SASH1: variants seen among roughly 807,000 people sequenced by gnomAD.
SASH1 encodes the protein SAM and SH3 domain containing 1.
SASH1 carries 44 observed loss-of-function variants against 125.2 expected under a neutral mutation model. The ratio of observed to expected loss-of-function variants is 0.35; its 90% CI spans 0.28 to 0.45. SASH1 has a LOEUF of 0.45. Among genes scored for constraint, SASH1 ranks in the 20% least tolerant of loss-of-function variants. The pLI, the probability that SASH1 is intolerant of heterozygous loss-of-function variation, is 1.00. For missense variants in SASH1, 1,426 were observed against 1,614.5 expected, an observed-to-expected ratio of 0.88 and a Z score of 2.00; for synonymous variants, 639 against 649.1, an observed-to-expected ratio of 0.98 and a Z score of 0.24.
At chr6:148,250,572 TAAAAA>T in the SASH1 span, among the ~76,000 whole-genome samples, 1 of 141,366 alleles carries the variant, frequency 7.1e-6, no homozygotes, top group Non-Finnish European at 1.5e-5. Flanking sequence ...GCCTTAGTCT[TAAAAA>T]AAAAAAAAAA....
At chr6:148,421,213 GAAAA>G (rs72197515) in intron 2 of SASH1, among the ~76,000 whole-genome samples, 8 of 130,506 alleles carry the variant, frequency 6.1e-5, no homozygotes, top group African/African-American at 1.3e-4. Flanking sequence ...AAGAAAGAAA[GAAAA>G]AGAAAGAAAG....
intron 2 of SASH1, among the ~76,000 whole-genome samples, chr6:148,406,755 G>A (rs1784390995): frequency 6.6e-6 from 1 of 151,984 alleles, no homozygotes; most frequent in South Asian, 2.1e-4. Context: ...TCCAAGGGAG[G>A]AGCAGAGAGA....
At chr6:148,268,597 A>C (rs1385195470), upstream of SASH1, among the ~76,000 whole-genome samples, 1 of 152,144 alleles carries the variant, frequency 6.6e-6, no homozygotes, top group African/African-American at 2.4e-5. Context: ...GAACATTCTC[A>C]TGTTGTCATT....
chr6:148,281,048 T>C (rs1278200782), intron 1 of SASH1, among the ~76,000 whole-genome samples: 1 of 150,928 alleles, frequency 6.6e-6, no homozygotes, highest in African/African-American at 2.4e-5. Flanking sequence ...GTTCAAGCAA[T>C]TCTCCTGCCT....
At chr6:148,478,047 A>G (rs939167192) in intron 7 of SASH1, among the ~76,000 whole-genome samples, 3 of 152,152 alleles carry the variant, frequency 2.0e-5, no homozygotes, top group Non-Finnish European at 4.4e-5. Flanking sequence ...TGTTAAGGAT[A>G]TGGAGAAAGG....
intron 8 of SASH1, among the ~76,000 whole-genome samples, chr6:148,496,768 A>C (rs1404072160): frequency 6.6e-6 from 1 of 152,062 alleles, no homozygotes; most frequent in Non-Finnish European, 1.5e-5. Context: ...AGCTACTCAG[A>C]AGGCTGAGTC....
intron 7 of SASH1, among the ~76,000 whole-genome samples, chr6:148,476,620 C>T (rs1167956303): frequency 3.3e-5 from 5 of 152,030 alleles, no homozygotes. Flanking sequence ...GCGGAGGTCG[C>T]AGTAAGCCAA....
the SASH1 span, among the ~76,000 whole-genome samples, chr6:148,211,157 T>C: frequency 6.6e-6 from 1 of 152,216 alleles, no homozygotes; most frequent in Non-Finnish European, 1.5e-5. Flanking sequence ...CAGTGATTCA[T>C]TCAACAGTTT....
intron 8 of SASH1, among the ~76,000 whole-genome samples, chr6:148,503,643 C>G (rs1446113590): frequency 6.6e-6 from 1 of 151,968 alleles, no homozygotes; most frequent in Admixed American, 6.6e-5. Flanking sequence ...TCCCCACTTA[C>G]AGGCAAATGT....
chr6:148,472,517 C>T (rs2115130781), intron 6 of SASH1, among the ~76,000 whole-genome samples: 1 of 151,700 alleles, frequency 6.6e-6, no homozygotes, highest in South Asian at 2.1e-4. Flanking sequence ...AAGGAGGAAG[C>T]CAACAGTTTA....
chr6:148,453,284 G>A (rs1015741320), intron 4 of SASH1, among the ~76,000 whole-genome samples: 5 of 152,130 alleles, frequency 3.3e-5, no homozygotes, highest in Admixed American at 6.5e-5. Flanking sequence ...TCTCTCTCCT[G>A]CATAAGAAGA....
chr6:148,234,468 C>G, the SASH1 span, among the ~76,000 whole-genome samples: 1 of 151,922 alleles, frequency 6.6e-6, no homozygotes, highest in Admixed American at 6.6e-5. Context: ...AGGATCCCTT[C>G]CTTTGCTCAG....
intron 1 of SASH1, among the ~76,000 whole-genome samples, chr6:148,384,534 T>C (rs1428839370): frequency 6.6e-6 from 1 of 152,214 alleles, no homozygotes; most frequent in Non-Finnish European, 1.5e-5. Flanking sequence ...GACGTAGATT[T>C]TGTGTTTCCG....
intron 1 of SASH1, among the ~76,000 whole-genome samples, chr6:148,286,264 G>C (rs1779479785): frequency 6.6e-6 from 1 of 151,944 alleles, no homozygotes; most frequent in Admixed American, 6.6e-5. Context: ...AGCTGGGCGT[G>C]GTGGCGTATG....
At chr6:148,405,776 C>A (rs1784348048) in intron 2 of SASH1, among the ~76,000 whole-genome samples, 1 of 152,210 alleles carries the variant, frequency 6.6e-6, no homozygotes, top group Non-Finnish European at 1.5e-5. Context: ...ACCCCTGACT[C>A]CATTTTCCCA....
intron 1 of SASH1, among the ~76,000 whole-genome samples, chr6:148,376,222 A>G (rs1472534226): frequency 6.6e-6 from 1 of 152,010 alleles, no homozygotes; most frequent in African/African-American, 2.4e-5. Flanking sequence ...GTGTGCCACC[A>G]TGCCTAGCTA....
At chr6:148,366,114 A>AAAAAG (rs1782444389) in intron 1 of SASH1, among the ~76,000 whole-genome samples, 1 of 143,600 alleles carries the variant, frequency 7.0e-6, no homozygotes, top group East Asian at 2.0e-4. Context: ...CTCTGTCTCA[A>AAAAAG]AAAAGAAAAG....
In SASH1 at chr6:148,427,533, T is replaced by C. The variant is rs537245905; in HGVS notation, c.286-12651T>C. ...TGTGTAGATCTTATTCTTATCTCCA[T>C]GCAAAATGCTTGGTATGTGGTATGC... On this transcript the variant is annotated intron_variant, in intron 2 of 19. Transcript: ENST00000367467. Among the ~76,000 whole-genome samples, 27 of 143,318 alleles carry C rather than the reference T, an allele frequency of 1.9e-4. No individual in the cohort carries two copies. The South Asian group carries it at 5.5e-3, about 29-fold the overall frequency. 94.0% of individuals were successfully genotyped at this position (143,318 alleles called of 152,430 possible). A position where few individuals can be genotyped will look rare whatever the true frequency, so the allele number is the denominator to read the frequency against.
chr6:148,441,509 C>G (rs530772331), intron 4 of SASH1, among the ~76,000 whole-genome samples: 11 of 152,250 alleles, frequency 7.2e-5, no homozygotes, highest in African/African-American at 2.4e-4. Context: ...TGCCTTGCCT[C>G]CTCCCAGGAA....
Sources: allele counts gnomAD v4.1 joint callset (sites outside exome capture counted in the v4.1 genomes callset), GRCh38; gene constraint gnomAD v4.1.1; transcripts MANE v1.5; gene names NCBI Gene and HGNC (gene_info 2026-07-23, HGNC 2026-07-21).